CCBE1: variants seen among roughly 807,000 people sequenced by gnomAD.
CCBE1 encodes collagen and calcium binding EGF domains 1, also known as collagen and calcium-binding EGF domain-containing protein 1.
A neutral mutation model predicts 50.0 loss-of-function variants in CCBE1; 37 were observed. The ratio of observed to expected loss-of-function variants is 0.74; its 90% CI spans 0.57 to 0.97. The LOEUF (loss-of-function observed/expected upper bound fraction) is 0.97, where lower values mean the gene tolerates loss of function less well. Among genes scored for constraint, CCBE1 ranks in the 50% least tolerant of loss-of-function variants. CCBE1 has a pLI of 0.00. For synonymous variants in CCBE1, 234 were observed against 203.7 expected (o/e 1.15, Z -1.27); for missense variants, 538 against 523.8 (o/e 1.03, Z -0.26).
At chr18:59,589,790 CAAAAAAAAAAAAA>C (rs752546235) in intron 2 of CCBE1, among the ~76,000 whole-genome samples, 15 of 73,116 alleles carry the variant, frequency 2.1e-4, no homozygotes, top group Non-Finnish European at 3.7e-4. Context: ...GACTCCATCT[CAAAAAAAAAAAAA>C]AAAAAAAAGA....
chr18:59,585,653 C>T (rs1459741499), intron 2 of CCBE1, among the ~76,000 whole-genome samples: 2 of 152,152 alleles, frequency 1.3e-5, no homozygotes, highest in Non-Finnish European at 2.9e-5. Context: ...CCATCATAAA[C>T]CCAAGTGGAA....
intron 2 of CCBE1, among the ~76,000 whole-genome samples, chr18:59,573,309 A>ATG (rs2052946026): frequency 2.8e-5 from 4 of 142,432 alleles, no homozygotes; most frequent in African/African-American, 1.1e-4. Context: ...ATATGTATGT[A>ATG]TGTGATAGGC....
chr18:59,477,005 G>A (rs1441300799), intron 3 of CCBE1, among the ~76,000 whole-genome samples: 2 of 152,200 alleles, frequency 1.3e-5, no homozygotes, highest in African/African-American at 4.8e-5. Context: ...TATTGGCCTA[G>A]AGGGCCTAGT....
chr18:59,695,448 A>G (rs1264820440), intron 2 of CCBE1, among the ~76,000 whole-genome samples: 3 of 152,180 alleles, frequency 2.0e-5, no homozygotes, highest in Admixed American at 1.3e-4. Flanking sequence ...ACACGCCAAG[A>G]GAAAGGAGCC....
intron 2 of CCBE1, among the ~76,000 whole-genome samples, chr18:59,525,076 C>T (rs1289488837): frequency 6.6e-6 from 1 of 152,072 alleles, no homozygotes; most frequent in African/African-American, 2.4e-5. Context: ...ATTTATATTC[C>T]TTTGGGTACA....
chr18:59,496,205 C>T (rs1008053945), intron 2 of CCBE1, among the ~76,000 whole-genome samples: 3 of 152,174 alleles, frequency 2.0e-5, no homozygotes, highest in Non-Finnish European at 4.4e-5. Context: ...TTACAGGAGG[C>T]TATACAGATG....
chr18:59,697,283 C>T lies in CCBE1; in HGVS notation c.60G>A (p.Leu20=). Residue 20 remains leucine, a synonymous_variant, in exon 1 of 11, where the codon CTG becomes CTA. Transcript: ENST00000439986. ...ACGCCAGGAGCAGCAGCAGCGGACC[C>T]AGGCTCCTGCCCAGCTGGCCCCTGG... ...GAARGQLGRS[L]GPLLLLLALG... 6.5e-7 allele frequency: 1 copy of T among 1,549,236 alleles called. No individual in the cohort carries two copies. The highest frequency in any genetic ancestry group is 8.7e-7 in the Non-Finnish European group (1 of 1,146,788).
intron 2 of CCBE1, among the ~76,000 whole-genome samples, chr18:59,496,042 A>G (rs1913340419): frequency 6.6e-6 from 1 of 152,218 alleles, no homozygotes; most frequent in African/African-American, 2.4e-5. Flanking sequence ...CCCCATCTCT[A>G]TATTGAGTCC....
chr18:59,688,976 A>G (rs1197261388), intron 2 of CCBE1, among the ~76,000 whole-genome samples: 1 of 152,230 alleles, frequency 6.6e-6, no homozygotes, highest in Non-Finnish European at 1.5e-5. Flanking sequence ...TACAGGAGTC[A>G]AGTTTTCTTT....
At chr18:59,641,993 G>A (rs2053996984) in intron 2 of CCBE1, among the ~76,000 whole-genome samples, 1 of 151,790 alleles carries the variant, frequency 6.6e-6, no homozygotes, top group Admixed American at 6.5e-5. Context: ...AGGAGAGAAT[G>A]CAGGTAGATA....
chr18:59,541,879 A>G (rs1200968070), intron 2 of CCBE1, among the ~76,000 whole-genome samples: 2 of 152,006 alleles, frequency 1.3e-5, no homozygotes, highest in Non-Finnish European at 2.9e-5. Flanking sequence ...GCTTAATTAA[A>G]AAAAAAAATC....
chr18:59,525,749 ATCTTG>A (rs1914792691), intron 2 of CCBE1, among the ~76,000 whole-genome samples: 1 of 152,182 alleles, frequency 6.6e-6, no homozygotes, highest in African/African-American at 2.4e-5. Flanking sequence ...TCTTTAATCC[ATCTTG>A]AGTTAATTTT....
At chr18:59,480,037 G>GA in intron 3 of CCBE1, 149 bp downstream of exon 3, 1 of 618,170 alleles carries the variant, frequency 1.6e-6, no homozygotes, top group Non-Finnish European at 2.8e-6. Context: ...ATTGGCGTCA[G>GA]AAAAATTTGA....
chr18:59,581,691 T>C (rs1454436227), intron 2 of CCBE1, among the ~76,000 whole-genome samples: 2 of 152,218 alleles, frequency 1.3e-5, no homozygotes, highest in African/African-American at 2.4e-5. Context: ...ACTTCTGTAT[T>C]ACTTACGTTG....
At position 59,636,862 on chromosome 18, in the gene CCBE1, A is replaced by C. The variant is rs561099072; in HGVS notation, c.212+59767T>G. Reference sequence around the variant, plus strand: ...AACTTGTGGAAGGAGAATAAGATATAATTAAAATACTGGATGACGATAGCA... The same window carrying C: ...AACTTGTGGAAGGAGAATAAGATATCATTAAAATACTGGATGACGATAGCA... On this transcript the variant is annotated intron_variant, in intron 2 of 10. Transcript: ENST00000439986. Among the ~76,000 whole-genome samples the C allele has an allele frequency of 1.4e-3, 214 of 152,368 alleles. 1 individual carries two copies. The highest frequency in any genetic ancestry group is 5.0e-3 in the African/African-American group (206 of 41,594).
chr18:59,584,111 CAAT>C (rs1568218806), intron 2 of CCBE1, among the ~76,000 whole-genome samples: 1 of 151,986 alleles, frequency 6.6e-6, no homozygotes, highest in Admixed American at 6.6e-5. Flanking sequence ...AAATGTCCAA[CAAT>C]GATAGACTGG....
intron 2 of CCBE1, among the ~76,000 whole-genome samples, chr18:59,615,972 G>C (rs1289412229): frequency 1.3e-5 from 2 of 152,224 alleles, no homozygotes; most frequent in African/African-American, 4.8e-5. Flanking sequence ...TTGGGATCAA[G>C]AGGAAAGTCT....
chr18:59,650,380 C>G (rs1202349134), intron 2 of CCBE1, among the ~76,000 whole-genome samples: 1 of 150,816 alleles, frequency 6.6e-6, no homozygotes, highest in African/African-American at 2.4e-5. Context: ...GACCCCCTTC[C>G]TCCCTAGGTT....
intron 2 of CCBE1, among the ~76,000 whole-genome samples, chr18:59,657,002 A>G (rs2054200032): frequency 6.6e-6 from 1 of 152,200 alleles, no homozygotes. Flanking sequence ...CCTGGGAGCA[A>G]TGGAATGGAC....
Sources: allele counts gnomAD v4.1 joint callset (sites outside exome capture counted in the v4.1 genomes callset), GRCh38; gene constraint gnomAD v4.1.1; transcripts MANE v1.5; gene names NCBI Gene and HGNC (gene_info 2026-07-23, HGNC 2026-07-21).